ZGPAT: variants seen among roughly 807,000 people sequenced by gnomAD.
The protein encoded by ZGPAT is zinc finger CCCH-type and G-patch domain containing, also known as zinc finger CCCH-type with G patch domain-containing protein.
Under a neutral mutation model 47.9 loss-of-function variants are expected in ZGPAT, and 39 were observed. The observed-to-expected ratio is 0.81, with a 90% confidence interval of 0.63 to 1.06. The LOEUF (loss-of-function observed/expected upper bound fraction) is 1.06, where lower values mean the gene tolerates loss of function less well. ZGPAT is among the 50% of genes least tolerant of loss of function. The probability of loss-of-function intolerance (pLI) is 0.00; values close to 1 mark genes in which losing one functional copy is unlikely to be tolerated. For synonymous variants in ZGPAT, 348 were observed against 292.9 expected, an observed-to-expected ratio of 1.19 and a Z score of -1.92; for missense variants, 717 against 681.4, an observed-to-expected ratio of 1.05 and a Z score of -0.58.
chr20:63,735,085 G>T (rs1346355867), intron 5 of ZGPAT, 74 bp from the exon 6 acceptor site: 64 of 1,452,390 alleles, frequency 4.4e-5, no homozygotes, highest in Non-Finnish European at 5.6e-5. Context: ...CGTGGCCACA[G>T]CACTGCCATC....
rs1323208739 is a variant in ZGPAT at position 63,733,209 on chromosome 20, C to T, written c.585-10C>T. The T allele has an allele frequency of 9.3e-6, 15 of 1,612,108 alleles. No homozygotes were observed. Among genetic ancestry groups the T allele is most frequent in the Non-Finnish European group, 1.3e-5 (15 of 1,178,738 alleles). On this transcript the variant is annotated splice_polypyrimidine_tract_variant and intron_variant, in intron 2 of 6. Coordinates refer to ENST00000355969, the MANE Select transcript of ZGPAT (RefSeq NM_181485.3). Reference sequence around the variant, plus strand: ...TGTCTGAGCCCTGCCCCTTACGGCTCTGTCTGCAGGTTCTCCCATGGGCAG... The same window carrying T: ...TGTCTGAGCCCTGCCCCTTACGGCTTTGTCTGCAGGTTCTCCCATGGGCAG...
chr20:63,709,762 T>A lies in ZGPAT; in HGVS notation c.584+598T>A, dbSNP rs577530199. ...GGCATAGTCCTGGCTCACTGCAGCC[T>A]GGACCTCCTGGGCTCAACCGATCCT... On this transcript the variant is annotated intron_variant, in intron 2 of 6. Coordinates refer to ENST00000355969, the MANE Select transcript of ZGPAT (RefSeq NM_181485.3). Among the ~76,000 whole-genome samples the A allele has an allele frequency of 1.1e-4, 16 of 151,906 alleles. No individual in the cohort carries two copies. The South Asian group carries it at 3.1e-3, about 30-fold the overall frequency.
intron 1 of ZGPAT, 145 bp from the exon 2 acceptor site, chr20:63,708,408 C>T: frequency 1.8e-6 from 1 of 561,396 alleles, no homozygotes; most frequent in South Asian, 2.7e-5. Flanking sequence ...AGCGGGGGTA[C>T]CCGGGCTGCG....
chr20:63,724,413 G>A (rs1601332429), intron 2 of ZGPAT, among the ~76,000 whole-genome samples: 1 of 151,514 alleles, frequency 6.6e-6, no homozygotes, highest in Non-Finnish European at 1.5e-5. Flanking sequence ...TGGACACTGT[G>A]GTTCATGCCT....
Position 63,735,976 on chromosome 20 carries a change from A to C in ZGPAT, c.*57A>C. The C allele has an allele frequency of 6.4e-7, 1 of 1,572,964 alleles. No individual in the cohort carries two copies. Among genetic ancestry groups the C allele is most frequent in the Non-Finnish European group, 8.6e-7 (1 of 1,156,374 alleles). On this transcript the variant is annotated 3_prime_UTR_variant, in exon 7 of 7. Coordinates refer to ENST00000355969, the MANE Select transcript of ZGPAT (RefSeq NM_181485.3). ...GACCCCAGCACGGGCTGCCCTCAGG[A>C]AGACCAGTGTTGCCCGAGGAGGGGC...
chr20:63,718,273 C>T (rs2738758), intron 2 of ZGPAT, among the ~76,000 whole-genome samples: 3 of 151,820 alleles, frequency 2.0e-5, no homozygotes, highest in East Asian at 3.9e-4. Context: ...TCGACTTACT[C>T]GTTATTCAAG....
chr20:63,732,760 G>A (rs903598963), intron 2 of ZGPAT, among the ~76,000 whole-genome samples: 1 of 151,788 alleles, frequency 6.6e-6, no homozygotes, highest in African/African-American at 2.4e-5. Flanking sequence ...GTATGCCTGT[G>A]TACGTATGTA....
rs190935989 is a variant in ZGPAT at position 63,709,891 on chromosome 20, T to C, written c.584+727T>C. 4.5e-4 allele frequency among the ~76,000 whole-genome samples: 69 copies of C among 152,152 alleles called. 1 individual carries two copies. In the East Asian group the frequency reaches 0.012, roughly 26 times the overall value. ...TTATCTTTTTTTTGAGATGGAGTCT[T>C]GTTCTGTTGCCCAGGCTGGAGTGCA... On this transcript the variant is annotated intron_variant, in intron 2 of 6. Coordinates refer to ENST00000355969, the MANE Select transcript of ZGPAT (RefSeq NM_181485.3).
intron 2 of ZGPAT, among the ~76,000 whole-genome samples, chr20:63,730,922 TTCTCTCTCTCTCTCTCTCTCTC>T (rs33915732): frequency 1.2e-3 from 152 of 124,640 alleles, no homozygotes; most frequent in African/African-American, 3.8e-3. Context: ...TTCCTCTTCA[TTCTCTCTCTCTCTCTCTCTCTC>T]TCTCTCTCTC....
chr20:63,725,946 C>T (rs1224328605), intron 2 of ZGPAT, among the ~76,000 whole-genome samples: 2 of 151,676 alleles, frequency 1.3e-5, no homozygotes, highest in Admixed American at 6.6e-5. Context: ...AGCAATTCTC[C>T]TGCCTCAGCC....
At position 63,733,730 on chromosome 20, in the gene ZGPAT, T is replaced by C. The variant is rs750912629; in HGVS notation, c.862T>C (p.Tyr288His). 5.0e-6 allele frequency: 8 copies of C among 1,611,360 alleles called. No individual in the cohort carries two copies. Among genetic ancestry groups the C allele is most frequent in the Non-Finnish European group, 5.9e-6 (7 of 1,178,572 alleles). ...CAGCGACGGTACGGGTGACTCCAGCTATGCCAGAGGTATGGCAGCAGCTGC... is the reference window on the plus strand; with the variant it reads ...CAGCGACGGTACGGGTGACTCCAGCCATGCCAGAGGTATGGCAGCAGCTGC... ...SDSDGTGDSS[Y>H]ARVVGSDAVD... Residue 288 changes from tyrosine (Y) to histidine (H), a missense_variant, in exon 4 of 7, where the codon TAT (tyrosine) becomes CAT (histidine). Tyr to His is a moderately conservative substitution (Grantham distance 83, BLOSUM62 2). Coordinates refer to ENST00000355969, the MANE Select transcript of ZGPAT (RefSeq NM_181485.3).
intron 2 of ZGPAT, among the ~76,000 whole-genome samples, chr20:63,730,703 C>G (rs982789751): frequency 2.6e-5 from 4 of 152,118 alleles, no homozygotes; most frequent in African/African-American, 9.7e-5. Flanking sequence ...AAGCTAGTCT[C>G]GAACTCCTGA....
rs2091973810 is a variant in ZGPAT at position 63,735,377 on chromosome 20, G to A, written c.1210G>A (p.Gly404Ser). 6.4e-7 allele frequency: 1 copy of A among 1,553,948 alleles called. No individual in the cohort carries two copies. The highest frequency in any genetic ancestry group is 8.7e-7 in the Non-Finnish European group (1 of 1,152,506). ...TGACTTCCTCAATGAAAAGCTGCAA[G>A]GTCAGGCTCCTGGGGCCCTAGAAGC... ...VFDFLNEKLQ[G>S]QAPGALEAGA... The change falls in exon 6 of 7, where the codon GGT becomes AGT. Residue 404 changes from glycine to serine, a missense_variant. Coordinates refer to ENST00000355969, the MANE Select transcript of ZGPAT (RefSeq NM_181485.3).
rs1410529730 is a variant in ZGPAT, at chr20:63,712,561, A to T, written c.584+3397A>T. 3.3e-5 allele frequency among the ~76,000 whole-genome samples: 5 copies of T among 152,308 alleles called. No individual in the cohort carries two copies. In the South Asian group the frequency reaches 8.3e-4, roughly 25 times the overall value. On this transcript the variant is annotated intron_variant, in intron 2 of 6. Transcript: ENST00000355969. The stretch of plus-strand genomic sequence containing the variant: ...TTGAATTTTGATATGGATTGCATAG[A>T]ATGTGTAGATCTGTTTGGGGCACAT...
rs777901454 is a variant in ZGPAT, at chr20:63,735,959, C to T, written c.*40C>T. 6.3e-7 allele frequency: 1 copy of T among 1,584,962 alleles called. No homozygotes were observed. Among genetic ancestry groups the T allele is most frequent in the South Asian group, 1.1e-5 (1 of 87,522 alleles). On this transcript the variant is annotated 3_prime_UTR_variant, in exon 7 of 7. Coordinates refer to ENST00000355969, the MANE Select transcript of ZGPAT (RefSeq NM_181485.3). ...CTATGGACGAAGCGTGGGACCCCAG[C>T]ACGGGCTGCCCTCAGGAAGACCAGT...
At position 63,735,487 on chromosome 20, in the gene ZGPAT, C is replaced by A. The variant is rs368559585; in HGVS notation, c.1320C>A (p.Phe440Leu). The A allele has an allele frequency of 3.2e-6, 5 of 1,544,714 alleles. No individual in the cohort carries two copies. The highest frequency in any genetic ancestry group is 3.5e-6 in the Non-Finnish European group (4 of 1,151,118). Residue 440 changes from phenylalanine (F) to leucine (L), a missense_variant, in exon 6 of 7, where the codon TTC becomes TTA. Transcript: ENST00000355969. The stretch of plus-strand genomic sequence containing the variant: ...AGCGGGCCCTGAGCCTGCGGCTCTT[C>A]CAGACTGAGGAGAAGATCGAGCGAA... ...SAKRALSLRL[F>L]QTEEKIERTQ... is the part of the protein sequence containing the mutation.
In ZGPAT at chr20:63,735,825, C is replaced by A; in HGVS notation, c.1442C>A (p.Ala481Asp). Residue 481 changes from alanine to aspartate, a missense_variant, in exon 7 of 7, where the codon GCC becomes GAC. Physicochemically the swap from Ala to Asp is moderately radical, Grantham distance 126 (BLOSUM62 -2). Transcript: ENST00000355969. ...CAGCTGCAGGAGAAGCTGGCAGGAGCCCAGCGCCAGCTGGGGCAGCTCCGG... is the reference window on the plus strand; with the variant it reads ...CAGCTGCAGGAGAAGCTGGCAGGAGACCAGCGCCAGCTGGGGCAGCTCCGG... ...SAQLQEKLAGAQRQLGQLRAQ... is the reference protein window; with the variant it reads ...SAQLQEKLAGDQRQLGQLRAQ... The A allele has an allele frequency of 1.2e-6, 2 of 1,611,736 alleles. No homozygotes were observed. Among genetic ancestry groups the A allele is most frequent in the Non-Finnish European group, 8.5e-7 (1 of 1,179,480 alleles).
chr20:63,720,149 A>T (rs144022889), intron 2 of ZGPAT, among the ~76,000 whole-genome samples: 422 of 151,468 alleles, frequency 2.8e-3, no homozygotes, highest in African/African-American at 8.4e-3. Flanking sequence ...TTTTTAAAAA[A>T]TTTTTTTTAA....
rs757499255 is a variant in ZGPAT, at chr20:63,735,176, G to A, written c.1009G>A (p.Glu337Lys). The A allele has an allele frequency of 1.3e-6, 2 of 1,520,222 alleles. No individual in the cohort carries two copies. Among genetic ancestry groups the A allele is most frequent in the East Asian group, 4.6e-5 (2 of 43,118 alleles). 94.2% of individuals were successfully genotyped at this position (1,520,222 alleles called of 1,614,324 possible). A position where few individuals can be genotyped will look rare whatever the true frequency, so the allele number is the denominator to read the frequency against. The change falls in exon 6 of 7, where the codon GAA (glutamate) becomes AAA (lysine). Residue 337 changes from glutamate (E) to lysine (K), a missense_variant. Transcript: ENST00000355969. ...EFGKGLGRHA[E>K]GRVEPIHAVV... ...CTCCGCAGGTTTGGGCCGACACGCG[G>A]AAGGCCGGGTGGAGCCCATCCATGC...
Sources: allele counts gnomAD v4.1 joint callset (sites outside exome capture counted in the v4.1 genomes callset), GRCh38; gene constraint gnomAD v4.1.1; transcripts MANE v1.5; gene names NCBI Gene and HGNC (gene_info 2026-07-23, HGNC 2026-07-21).